CAPZA2: variants seen among roughly 807,000 people sequenced by gnomAD.
CAPZA2 encodes F-actin-capping protein subunit alpha-2.
Under a neutral mutation model 44.0 loss-of-function variants are expected in CAPZA2, and 13 were observed. The ratio of observed to expected loss-of-function variants is 0.30; its 90% CI spans 0.19 to 0.47. The LOEUF is 0.47. Among genes scored for constraint, CAPZA2 ranks in the 20% least tolerant of loss-of-function variants. The probability of loss-of-function intolerance (pLI) is 1.00; values close to 1 mark genes in which losing one functional copy is unlikely to be tolerated. For synonymous variants in CAPZA2, 94 were observed against 108.2 expected (o/e 0.87, Z 0.81); for missense variants, 244 against 338.6 (o/e 0.72, Z 2.19).
At chr7:116,903,503 A>G (rs1797022719) in intron 4 of CAPZA2, among the ~76,000 whole-genome samples, 1 of 152,212 alleles carries the variant, frequency 6.6e-6, no homozygotes, top group South Asian at 2.1e-4. Context: ...ATAAGTCCCG[A>G]CATAGCTAAG....
chr7:116,877,117 G>A (rs1174900713), intron 1 of CAPZA2, among the ~76,000 whole-genome samples: 1 of 152,122 alleles, frequency 6.6e-6, no homozygotes, highest in African/African-American at 2.4e-5. Flanking sequence ...GGCCATTCAG[G>A]GCTCTCCCTG....
At chr7:116,880,586 G>A (rs541118274) in intron 1 of CAPZA2, among the ~76,000 whole-genome samples, 51 of 150,788 alleles carry the variant, frequency 3.4e-4, no homozygotes, top group Non-Finnish European at 5.9e-4. Context: ...TAGTAGAAAC[G>A]GTTTTTTACC....
intron 1 of CAPZA2, among the ~76,000 whole-genome samples, chr7:116,867,676 C>G (rs768671658): frequency 1.3e-5 from 2 of 151,330 alleles, no homozygotes; most frequent in Non-Finnish European, 2.9e-5. Context: ...CTCTGTCTCC[C>G]AGGCCCAAGC....
intron 8 of CAPZA2, among the ~76,000 whole-genome samples, chr7:116,912,672 T>G (rs989221240): frequency 6.6e-6 from 1 of 152,244 alleles, no homozygotes; most frequent in Non-Finnish European, 1.5e-5. Flanking sequence ...TTGTTCCTTT[T>G]TATTGCCAAA....
intron 1 of CAPZA2, among the ~76,000 whole-genome samples, chr7:116,876,785 C>T (rs1162080992): frequency 6.6e-6 from 1 of 152,170 alleles, no homozygotes; most frequent in Non-Finnish European, 1.5e-5. Context: ...ATGAGATTGA[C>T]AGCAGTTTAT....
intron 1 of CAPZA2, among the ~76,000 whole-genome samples, chr7:116,882,205 G>T (rs1309892595): frequency 6.6e-6 from 1 of 152,146 alleles, no homozygotes; most frequent in Admixed American, 6.5e-5. Flanking sequence ...TAAATATCCT[G>T]TTGTTTTATT....
Position 116,887,063 on chromosome 7 carries a change from T to C in CAPZA2, c.40-1064T>C, listed in dbSNP as rs115099150. Among the ~76,000 whole-genome samples, 823 of 152,364 alleles carry C rather than the reference T, an allele frequency of 5.4e-3. 8 individuals are homozygous for C. The highest frequency in any genetic ancestry group is 0.019 in the African/African-American group (796 of 41,584). ...TGTTAAACCTTTTGAACTTAAACTT[T>C]TCCTTTCTCCTTTTTTTCTACATGT... On this transcript the variant is annotated intron_variant, in intron 1 of 9. Coordinates refer to ENST00000361183, the MANE Select transcript of CAPZA2 (RefSeq NM_006136.3).
chr7:116,872,729 G>A (rs1388713004), intron 1 of CAPZA2, among the ~76,000 whole-genome samples: 2 of 152,224 alleles, frequency 1.3e-5, no homozygotes, highest in Admixed American at 6.5e-5. Context: ...TTTAGTTGAA[G>A]TGGAAAAGTG....
At chr7:116,873,561 T>G (rs970965195) in intron 1 of CAPZA2, 2 of 153,474 alleles carry the variant, frequency 1.3e-5, no homozygotes, top group African/African-American at 4.8e-5. Flanking sequence ...GAAAACATGT[T>G]GCCAAATGTT....
intron 8 of CAPZA2, among the ~76,000 whole-genome samples, chr7:116,913,558 C>T (rs1053562643): frequency 1.3e-5 from 2 of 151,916 alleles, no homozygotes; most frequent in African/African-American, 4.8e-5. Flanking sequence ...AGAATTCTTT[C>T]ACACATTCTT....
At chr7:116,874,646 A>G (rs1464146378) in intron 1 of CAPZA2, 1 of 152,240 alleles carries the variant, frequency 6.6e-6, no homozygotes, top group Non-Finnish European at 1.5e-5. Flanking sequence ...ATCTCCTGAC[A>G]CTTGACAAAA....
intron 1 of CAPZA2, among the ~76,000 whole-genome samples, chr7:116,865,332 C>T (rs560701759): frequency 9.9e-5 from 15 of 151,748 alleles, no homozygotes; most frequent in African/African-American, 3.4e-4. Flanking sequence ...ATAACTGGCA[C>T]ATGCCACCAT....
intron 2 of CAPZA2, among the ~76,000 whole-genome samples, chr7:116,890,555 TATATATATATATAC>T (rs1796825876): frequency 1.7e-4 from 2 of 11,588 alleles, no homozygotes; most frequent in African/African-American, 7.3e-4. Flanking sequence ...TATATATATA[TATATATATATATAC>T]ACATATATAT....
At chr7:116,902,885 A>C (rs924163246) in intron 4 of CAPZA2, among the ~76,000 whole-genome samples, 4 of 151,980 alleles carry the variant, frequency 2.6e-5, no homozygotes, top group Middle Eastern at 3.2e-3. Flanking sequence ...AATTTTAAAA[A>C]ATTTTTTTGT....
chr7:116,917,068 T>A (rs1791689208), intron 9 of CAPZA2, among the ~76,000 whole-genome samples: 1 of 152,202 alleles, frequency 6.6e-6, no homozygotes, highest in African/African-American at 2.4e-5. Context: ...ACTCTTGAAT[T>A]GAACCATTTA....
chr7:116,909,494 A>G (rs1460479706), intron 6 of CAPZA2, among the ~76,000 whole-genome samples: 1 of 152,138 alleles, frequency 6.6e-6, no homozygotes, highest in Non-Finnish European at 1.5e-5. Context: ...AACCATGAAT[A>G]TGTATTTGTA....
chr7:116,872,712 T>C (rs1796568222), intron 1 of CAPZA2, among the ~76,000 whole-genome samples: 1 of 152,212 alleles, frequency 6.6e-6, no homozygotes, highest in African/African-American at 2.4e-5. Flanking sequence ...CAACTTCAAA[T>C]AATTCTTTTA....
rs557434747 is a variant in CAPZA2, at chr7:116,880,696, C to CTTT, written c.40-7395_40-7393dup. On this transcript the variant is annotated intron_variant, in intron 1 of 9. Coordinates refer to ENST00000361183, the MANE Select transcript of CAPZA2 (RefSeq NM_006136.3). ...ATAGGCATGAGCCACTGTAACCTGC[C>CTTT]TTTTTTTTTTTTTTTTTTTTTTTTT... 1.9e-3 allele frequency among the ~76,000 whole-genome samples: 46 copies of CTTT among 24,686 alleles called. 20 individuals carry two copies. The highest frequency in any genetic ancestry group is 2.7e-3 in the African/African-American group (20 of 7,478). The allele number at this position is 24,686 out of a possible 152,430, so 16.2% of individuals were successfully genotyped here.
intron 1 of CAPZA2, among the ~76,000 whole-genome samples, chr7:116,870,157 A>C (rs1280370128): frequency 2.0e-5 from 3 of 152,250 alleles, no homozygotes; most frequent in Non-Finnish European, 2.9e-5. Context: ...AATTCACTAA[A>C]GTGTAGCGAT....
Sources: allele counts gnomAD v4.1 joint callset (sites outside exome capture counted in the v4.1 genomes callset), GRCh38; gene constraint gnomAD v4.1.1; transcripts MANE v1.5; gene names NCBI Gene and HGNC (gene_info 2026-07-23, HGNC 2026-07-21).